Variants in MCM7 observed in about 807,000 individuals in gnomAD.
MCM7 encodes the protein DNA replication licensing factor MCM7.
A neutral mutation model predicts 83.5 loss-of-function variants in MCM7; 95 were observed. The ratio of observed to expected loss-of-function variants is 1.14; its 90% CI spans 0.96 to 1.35. The LOEUF (loss-of-function observed/expected upper bound fraction) is 1.35. Among genes scored for constraint, MCM7 ranks in the 40% most tolerant of loss-of-function variants. MCM7 has a pLI of 0.00. For synonymous variants in MCM7, 461 were observed against 352.7 expected, an observed-to-expected ratio of 1.31 and a Z score of -3.44; for missense variants, 1,087 against 957.4, an observed-to-expected ratio of 1.14 and a Z score of -1.79.
In MCM7 at chr7:100,097,920, G is replaced by A. The variant is rs866091810; in HGVS notation, c.899C>T (p.Ala300Val). 2 of 1,614,174 alleles carry A rather than the reference G, an allele frequency of 1.2e-6. No individual in the cohort carries two copies. The highest frequency in any genetic ancestry group is 2.7e-5 in the African/African-American group (2 of 75,018). Reference sequence around the variant, plus strand: ...CTTGTTCATCTTCACAATCCGATGGGCTTCCAGGTAGGTTTCTGAGAGTAA... The same window carrying A: ...CTTGTTCATCTTCACAATCCGATGGACTTCCAGGTAGGTTTCTGAGAGTAA... ...QGLLSETYLE[A>V]HRIVKMNKSE... The change falls in exon 8 of 15, where the codon GCC (alanine) becomes GTC (valine). Residue 300 changes from alanine to valine, a missense_variant. Physicochemically the swap from Ala to Val is moderately conservative, Grantham distance 64 (BLOSUM62 0). Coordinates refer to ENST00000303887, the MANE Select transcript of MCM7 (RefSeq NM_005916.5).
chr7:100,095,322 GCACTT>G, intron 12 of MCM7, 60 bp downstream of exon 12: 1 of 1,390,002 alleles, frequency 7.2e-7, no homozygotes, highest in Non-Finnish European at 1.0e-6. Context: ...AGACTAATAA[GCACTT>G]TTTCAGGAGG....
At chr7:100,098,907 G>A (rs1036152256) in intron 5 of MCM7, 116 bp downstream of exon 5, 31 of 1,441,204 alleles carry the variant, frequency 2.2e-5, no homozygotes, top group Non-Finnish European at 2.6e-5. Context: ...AGAATGAAAG[G>A]CGAACACACA....
rs200958394 is a variant in MCM7, at chr7:100,101,328, G to T, written c.-34C>A. The stretch of plus-strand genomic sequence containing the variant: ...AGGGCCGTGCGGCCGCGCTTGGCGG[G>T]CTCAGAGGTCTTGCTCCTGGGGAAG... On this transcript the variant is annotated 5_prime_UTR_variant, in exon 1 of 15. Transcript: ENST00000303887. The T allele has an allele frequency of 6.2e-7, 1 of 1,612,672 alleles. No individual in the cohort carries two copies. Among genetic ancestry groups the T allele is most frequent in the Admixed American group, 1.7e-5 (1 of 60,016 alleles).
chr7:100,095,801 T>A lies in MCM7; in HGVS notation c.1568A>T (p.Asp523Val), dbSNP rs1175343913. 2 of 1,597,966 alleles carry A rather than the reference T, an allele frequency of 1.3e-6. No individual in the cohort carries two copies. The highest frequency in any genetic ancestry group is 3.4e-5 in the Admixed American group (2 of 59,578). Reference sequence around the variant, plus strand: ...TAGGTCATTGTCTCGGTCGGGCCGGTCCTGAATCAGCCAGAGGAGGTCAAA... The same window carrying A: ...TAGGTCATTGTCTCGGTCGGGCCGGACCTGAATCAGCCAGAGGAGGTCAAA... ...SRFDLLWLIQDRPDRDNDLRL... is the reference protein window; with the variant it reads ...SRFDLLWLIQVRPDRDNDLRL... Residue 523 changes from aspartate to valine, a missense_variant, in exon 11 of 15, where the codon GAC becomes GTC. Coordinates refer to ENST00000303887, the MANE Select transcript of MCM7 (RefSeq NM_005916.5).
chr7:100,094,989 G>C (rs969734480), intron 12 of MCM7, among the ~76,000 whole-genome samples: 6 of 152,084 alleles, frequency 3.9e-5, no homozygotes, highest in African/African-American at 1.4e-4. Context: ...TGGGCATCCT[G>C]GCCAACATGG....
chr7:100,097,771 T>G (rs1231795330), intron 8 of MCM7, 26 bp from the exon 9 acceptor site: 3 of 1,614,094 alleles, frequency 1.9e-6, no homozygotes, highest in Non-Finnish European at 2.5e-6. Context: ...GGTTGTTTTA[T>G]TTTCTGGGGG....
At chr7:100,093,211 G>GTGTT in intron 14 of MCM7, 78 bp from the exon 15 acceptor site, 2 of 1,588,424 alleles carry the variant, frequency 1.3e-6, no homozygotes, top group Non-Finnish European at 1.7e-6. Flanking sequence ...ATGGTGGCCA[G>GTGTT]TGTTAGAATT....
In MCM7 at chr7:100,094,222, T is replaced by C. The variant is rs777997937; in HGVS notation, c.1799A>G (p.Tyr600Cys). ...AGCCAGCAGGGTCCGGGCAGAAGTA[T>C]AGGTGGCATCCTTACTAGCCCAAGC... is the stretch of plus-strand genomic sequence containing the variant. ...REAWASKDATYTSARTLLAIL... is the reference protein window; with the variant it reads ...REAWASKDATCTSARTLLAIL... The change falls in exon 13 of 15, where the codon TAT becomes TGT. Residue 600 changes from tyrosine to cysteine, a missense_variant. Physicochemically the swap from Tyr to Cys is radical, Grantham distance 194 (BLOSUM62 -2). Transcript: ENST00000303887. 8.1e-6 allele frequency: 13 copies of C among 1,614,034 alleles called. No homozygotes were observed. In the Admixed American group the frequency reaches 8.3e-5, roughly 10 times the overall value.
chr7:100,099,727 C>T lies in MCM7; in HGVS notation c.138G>A (p.Val46=), dbSNP rs1184128377. ...CGTCGTCCAGGTCCACATACAGAGC[C>T]ACCTGTTCCCGATGAGCCAGCCGAA... ...QLVRLAHREQ[V]ALYVDLDDVA... Residue 46 remains valine, a synonymous_variant, in exon 3 of 15, where the codon GTG becomes GTA. Coordinates refer to ENST00000303887, the MANE Select transcript of MCM7 (RefSeq NM_005916.5). 6.2e-7 allele frequency: 1 copy of T among 1,614,030 alleles called. No homozygotes were observed. The highest frequency in any genetic ancestry group is 1.7e-5 in the Admixed American group (1 of 59,994).
chr7:100,100,747 TA>T, intron 1 of MCM7: 3 of 991,746 alleles, frequency 3.0e-6, no homozygotes, highest in Non-Finnish European at 3.6e-6. Context: ...GGACACTGTT[TA>T]CACGACACTC....
At chr7:100,093,699 G>C in intron 13 of MCM7, 2 of 682,406 alleles carry the variant, frequency 2.9e-6, no homozygotes, top group Non-Finnish European at 5.6e-6. Context: ...AACGCCACTG[G>C]GCTCCCCAGC....
chr7:100,101,224 T>C, intron 1 of MCM7, 40 bp downstream of exon 1: 1 of 1,611,462 alleles, frequency 6.2e-7, no homozygotes, highest in Non-Finnish European at 8.5e-7. Flanking sequence ...CCCGGGAGGC[T>C]CCCCGCGCAG....
Position 100,099,316 on chromosome 7 carries a change from G to A in MCM7, c.364C>T (p.Pro122Ser). The change falls in exon 4 of 15, where the codon CCC becomes TCC. Residue 122 changes from proline (P) to serine (S), a missense_variant. Pro to Ser is a moderately conservative substitution (Grantham distance 74). Transcript: ENST00000303887. ...RSRDPGMVRSPQNQYPAELMR... is the reference protein window; with the variant it reads ...RSRDPGMVRSSQNQYPAELMR... ...AGTTCAGCAGGGTACTGGTTCTGGG[G>A]GCTTCGGACCATCCCAGGGTCCCGA... is the stretch of plus-strand genomic sequence containing the variant. 1.2e-6 allele frequency: 2 copies of A among 1,613,810 alleles called. No homozygotes were observed. The highest frequency in any genetic ancestry group is 1.7e-6 in the Non-Finnish European group (2 of 1,179,974).
At chr7:100,099,838 A>ATGCATTTT in intron 2 of MCM7, 85 bp from the exon 3 acceptor site, 1 of 1,560,328 alleles carries the variant, frequency 6.4e-7, no homozygotes, top group South Asian at 1.2e-5. Flanking sequence ...ATCACTGAGA[A>ATGCATTTT]CTCAGCACAG....
In MCM7 at chr7:100,099,654, T is replaced by C; in HGVS notation, c.211A>G (p.Arg71Gly). 6.2e-7 allele frequency: 1 copy of C among 1,614,204 alleles called. No individual in the cohort carries two copies. The highest frequency in any genetic ancestry group is 8.5e-7 in the Non-Finnish European group (1 of 1,180,048). Residue 71 changes from arginine (R) to glycine (G), a missense_variant, in exon 3 of 15, where the codon AGG becomes GGG. Transcript: ENST00000303887. ...TCAGCAAAGAGCTTCGCGTAGCGCC[T>C]GGCATTCTCACAAATTGAGTCCACC... is the stretch of plus-strand genomic sequence containing the variant. ...ELVDSICENA[R>G]RYAKLFADAV...
intron 12 of MCM7, among the ~76,000 whole-genome samples, chr7:100,094,982 G>C (rs940059638): frequency 6.6e-6 from 1 of 152,072 alleles, no homozygotes. Flanking sequence ...GCAGAGGTGG[G>C]CATCCTGGCC....
chr7:100,093,537 T>C (rs1584483635), intron 13 of MCM7, 136 bp from the exon 14 acceptor site: 1 of 831,376 alleles, frequency 1.2e-6, no homozygotes, highest in Non-Finnish European at 2.1e-6. Context: ...GAATCCCCCC[T>C]CCCCCCAGCA....
At chr7:100,098,495 T>G in intron 6 of MCM7, 83 bp downstream of exon 6, 3 of 1,586,946 alleles carry the variant, frequency 1.9e-6, no homozygotes, top group Non-Finnish European at 1.7e-6. Flanking sequence ...TTGTTCTTCT[T>G]TCTTCCTGCC....
Position 100,098,469 on chromosome 7 carries a change from C to T in MCM7, c.720+109G>A, listed in dbSNP as rs533719446. 57 of 1,544,950 alleles carry T rather than the reference C, an allele frequency of 3.7e-5. No individual in the cohort carries two copies. The African/African-American group carries it at 6.3e-4, about 17-fold the overall frequency. On this transcript the variant is annotated intron_variant, in intron 6 of 14. Coordinates refer to ENST00000303887, the MANE Select transcript of MCM7 (RefSeq NM_005916.5). ...CAGGAAATTCTAGTTCCACCTCCCT[C>T]CTGCACTTCCCTCTTTTGTTCTTCT...
Sources: allele counts gnomAD v4.1 joint callset (sites outside exome capture counted in the v4.1 genomes callset), GRCh38; gene constraint gnomAD v4.1.1; transcripts MANE v1.5; gene names NCBI Gene and HGNC (gene_info 2026-07-23, HGNC 2026-07-21).